MALRD1: variants seen among roughly 807,000 people sequenced by gnomAD.
MALRD1 encodes MAM and LDL-receptor class A domain-containing protein 1.
Under a neutral mutation model 242.1 loss-of-function variants are expected in MALRD1, and 247 were observed. The observed-to-expected ratio is 1.02, with a 90% CI of 0.92 to 1.13. MALRD1 has a LOEUF of 1.13. Ranked by LOEUF, MALRD1 falls within the 50% of genes most tolerant of loss-of-function variation. The pLI is 0.00. For synonymous variants in MALRD1, 995 were observed against 866.6 expected (o/e 1.15, Z -2.60); for missense variants, 2,989 against 2,533.1 (o/e 1.18, Z -3.86).
Position 19,190,330 on chromosome 10 carries a change from T to C in MALRD1, c.1952-13398T>C, listed in dbSNP as rs566618200. On this transcript the variant is annotated intron_variant, in intron 14 of 39. Coordinates refer to ENST00000454679, the MANE Select transcript of MALRD1 (RefSeq NM_001142308.3). Reference sequence around the variant, plus strand: ...ATATAGATAATGAAAAGACATTCCATGTTCATAGATCAGAAGACGTAATAT... The same window carrying C: ...ATATAGATAATGAAAAGACATTCCACGTTCATAGATCAGAAGACGTAATAT... 1.3e-3 allele frequency among the ~76,000 whole-genome samples: 199 copies of C among 152,220 alleles called. 1 individual carries two copies. Among genetic ancestry groups the C allele is most frequent in the African/African-American group, 4.5e-3 (186 of 41,570 alleles).
chr10:19,125,407 A>G (rs1302898123), intron 7 of MALRD1, among the ~76,000 whole-genome samples: 1 of 96,068 alleles, frequency 1.0e-5, no homozygotes, highest in Admixed American at 1.2e-4. Flanking sequence ...CCTTCCATCC[A>G]TGCTTCCTTC....
chr10:19,354,159 G>T (rs1045866240), intron 26 of MALRD1, among the ~76,000 whole-genome samples: 66 of 152,118 alleles, frequency 4.3e-4, no homozygotes, highest in African/African-American at 1.5e-3. Flanking sequence ...CTTGAATGAG[G>T]TCATATTTTA....
intron 38 of MALRD1, among the ~76,000 whole-genome samples, chr10:19,693,488 G>A (rs2148615): frequency 0.87 from 132,301 of 152,082 alleles, 57,699 homozygotes; most frequent in Non-Finnish European, 0.9. Flanking sequence ...ACTTCAAAGA[G>A]AATAAAATGC....
chr10:19,126,543 G>A (rs1225489284), intron 7 of MALRD1, among the ~76,000 whole-genome samples: 1 of 151,706 alleles, frequency 6.6e-6, no homozygotes, highest in Non-Finnish European at 1.5e-5. Flanking sequence ...GTGTATACTT[G>A]CTAATATTTT....
chr10:19,360,191 T>C (rs1350052938), intron 26 of MALRD1, among the ~76,000 whole-genome samples: 1 of 152,146 alleles, frequency 6.6e-6, no homozygotes, highest in Non-Finnish European at 1.5e-5. Flanking sequence ...GGGTATACTT[T>C]GTTTAAATTC....
intron 36 of MALRD1, 104 bp downstream of exon 36, chr10:19,616,027 A>C: frequency 1.2e-6 from 1 of 809,986 alleles, no homozygotes; most frequent in Non-Finnish European, 1.9e-6. Context: ...TGTGGTTAGT[A>C]AGGTAAAAAT....
At chr10:19,364,200 A>G (rs544184736) in intron 26 of MALRD1, among the ~76,000 whole-genome samples, 143 of 152,274 alleles carry the variant, frequency 9.4e-4, no homozygotes, top group African/African-American at 3.3e-3. Flanking sequence ...ACTGAGGGTG[A>G]TGCTCTGTGG....
intron 10 of MALRD1, among the ~76,000 whole-genome samples, chr10:19,137,120 T>C (rs1833370895): frequency 6.6e-6 from 1 of 152,174 alleles, no homozygotes. Context: ...TGGAGGCATA[T>C]AGTATGGGTT....
At chr10:19,417,791 A>G (rs1013095749) in intron 28 of MALRD1, among the ~76,000 whole-genome samples, 10 of 152,190 alleles carry the variant, frequency 6.6e-5, no homozygotes, top group African/African-American at 2.2e-4. Flanking sequence ...CACTAATTCA[A>G]TACAATGTAA....
chr10:19,594,542 A>G (rs1490633766), intron 33 of MALRD1, among the ~76,000 whole-genome samples: 3 of 152,218 alleles, frequency 2.0e-5, no homozygotes, highest in African/African-American at 4.8e-5. Flanking sequence ...ATGCATGTTT[A>G]TAGCAGCACA....
At chr10:19,403,573 G>C (rs1846960163) in intron 28 of MALRD1, among the ~76,000 whole-genome samples, 1 of 152,112 alleles carries the variant, frequency 6.6e-6, no homozygotes, top group Admixed American at 6.6e-5. Context: ...AGCAATTGAA[G>C]TGACTTAGAG....
intron 29 of MALRD1, among the ~76,000 whole-genome samples, chr10:19,462,834 AATG>A (rs1487779963): frequency 4.6e-5 from 7 of 152,146 alleles, no homozygotes; most frequent in African/African-American, 1.7e-4. Context: ...TTGTGAGAGG[AATG>A]ATAATTCAAG....
chr10:19,101,982 TTATAA>T (rs147995680), intron 4 of MALRD1, among the ~76,000 whole-genome samples: 59,625 of 138,082 alleles, frequency 0.43, 13,242 homozygotes, highest in Middle Eastern at 0.53. Flanking sequence ...TTTATATATG[TTATAA>T]TATAATTATA....
At chr10:19,083,564 C>T (rs2131285856) in intron 2 of MALRD1, among the ~76,000 whole-genome samples, 1 of 152,050 alleles carries the variant, frequency 6.6e-6, no homozygotes, top group African/African-American at 2.4e-5. Flanking sequence ...GCATTTTATA[C>T]TGAGCAAGCT....
chr10:19,707,711 G>T (rs904384618), intron 38 of MALRD1, among the ~76,000 whole-genome samples: 6 of 133,778 alleles, frequency 4.5e-5, no homozygotes, highest in Non-Finnish European at 8.3e-5. Context: ...TGCTTTGGGA[G>T]GCCAAGGTGG....
rs1833356191 is a variant in MALRD1, at chr10:19,136,761, A to G, written c.1391A>G (p.Asp464Gly). Residue 464 changes from aspartate to glycine, a missense_variant, in exon 10 of 40, where the codon GAT becomes GGT. Asp to Gly is a moderately conservative substitution (Grantham distance 94). Transcript: ENST00000454679. ...CGGCAGGACTGCTCCGATGAGAGTG[A>G]TGAAGACCCAGCAACTTGCTGTAAG... ...DSRQDCSDES[D>G]EDPATCSKHL... is the part of the protein sequence containing the mutation. The G allele has an allele frequency of 8.1e-7, 1 of 1,231,570 alleles. No homozygotes were observed. The highest frequency in any genetic ancestry group is 1.6e-5 in the African/African-American group (1 of 64,412). The allele number at this position is 1,231,570 out of a possible 1,614,324, so 76.3% of individuals were successfully genotyped here.
chr10:19,398,506 A>T (rs1482455935), intron 28 of MALRD1, among the ~76,000 whole-genome samples: 10 of 152,152 alleles, frequency 6.6e-5, no homozygotes, highest in Non-Finnish European at 1.0e-4. Context: ...GGGATATTAA[A>T]ATATCTACCA....
At chr10:19,210,710 G>A (rs1361661999) in intron 18 of MALRD1, among the ~76,000 whole-genome samples, 1 of 131,520 alleles carries the variant, frequency 7.6e-6, no homozygotes. Context: ...AATCTTCTAA[G>A]TCATAGATGT....
chr10:19,110,901 C>A (rs1836655374), intron 5 of MALRD1, among the ~76,000 whole-genome samples: 1 of 152,140 alleles, frequency 6.6e-6, no homozygotes, highest in Non-Finnish European at 1.5e-5. Flanking sequence ...AAGGAAATCA[C>A]CTATTGGCTG....
Sources: allele counts gnomAD v4.1 joint callset (sites outside exome capture counted in the v4.1 genomes callset), GRCh38; gene constraint gnomAD v4.1.1; transcripts MANE v1.5; gene names NCBI Gene and HGNC (gene_info 2026-07-23, HGNC 2026-07-21).